Variants in SUGCT observed in about 807,000 individuals in gnomAD.
SUGCT encodes the protein succinyl-CoA:glutarate-CoA transferase.
SUGCT carries 41 observed loss-of-function variants against 55.0 expected under a neutral mutation model. That is an observed-to-expected ratio of 0.74 (90% CI 0.58 to 0.97). SUGCT has a LOEUF of 0.97. SUGCT is among the 50% of genes least tolerant of loss of function. The pLI is 0.00. For synonymous variants in SUGCT, 187 were observed against 200.4 expected, an observed-to-expected ratio of 0.93 and a Z score of 0.56; for missense variants, 568 against 547.8, an observed-to-expected ratio of 1.04 and a Z score of -0.37.
intron 12 of SUGCT, among the ~76,000 whole-genome samples, chr7:40,609,563 A>G (rs1025514010): frequency 2.4e-4 from 36 of 151,972 alleles, no homozygotes; most frequent in African/African-American, 8.7e-4. Context: ...AAAAAAAAAA[A>G]AAAGAAAAAG....
chr7:40,900,092 C>A, the SUGCT span, among the ~76,000 whole-genome samples: 6 of 152,172 alleles, frequency 3.9e-5, no homozygotes, highest in African/African-American at 1.4e-4. Flanking sequence ...GAAGCATTGG[C>A]CAGGCTCTGG....
At chr7:40,197,104 G>A (rs542859468) in intron 6 of SUGCT, among the ~76,000 whole-genome samples, 1 of 152,194 alleles carries the variant, frequency 6.6e-6, no homozygotes, top group South Asian at 2.1e-4. Context: ...CAAAGTGTTG[G>A]GATTACACGT....
chr7:40,607,311 C>T (rs1798577210), intron 12 of SUGCT, among the ~76,000 whole-genome samples: 1 of 152,016 alleles, frequency 6.6e-6, no homozygotes, highest in South Asian at 2.1e-4. Flanking sequence ...ACTATATTGC[C>T]CAGGCTGGTC....
the SUGCT span, among the ~76,000 whole-genome samples, chr7:40,866,693 C>T: frequency 6.6e-6 from 1 of 151,826 alleles, no homozygotes; most frequent in East Asian, 1.9e-4. Flanking sequence ...CCACGTTTCC[C>T]ATATGCTGAG....
At chr7:40,819,678 A>G (rs1341194818) in intron 13 of SUGCT, among the ~76,000 whole-genome samples, 1 of 152,068 alleles carries the variant, frequency 6.6e-6, no homozygotes, top group African/African-American at 2.4e-5. Flanking sequence ...AGATGGGTAG[A>G]TTGTAAAAAT....
intron 12 of SUGCT, among the ~76,000 whole-genome samples, chr7:40,715,351 C>T (rs1467414896): frequency 6.6e-6 from 1 of 152,102 alleles, no homozygotes; most frequent in Admixed American, 6.5e-5. Flanking sequence ...CCTGCCTCCG[C>T]TGTCTTCTTA....
At chr7:40,185,485 T>C (rs1027051146) in intron 3 of SUGCT, among the ~76,000 whole-genome samples, 8 of 152,194 alleles carry the variant, frequency 5.3e-5, no homozygotes, top group Admixed American at 5.2e-4. Flanking sequence ...CTCATCGCCA[T>C]ACACTTGGTA....
chr7:40,238,506 TA>T (rs1174696899), intron 7 of SUGCT, among the ~76,000 whole-genome samples: 1 of 152,150 alleles, frequency 6.6e-6, no homozygotes, highest in East Asian at 1.9e-4. Flanking sequence ...TTGATGGCCT[TA>T]AAAAACTTGT....
At chr7:40,138,399 A>T (rs1479428172) in intron 1 of SUGCT, among the ~76,000 whole-genome samples, 2 of 152,196 alleles carry the variant, frequency 1.3e-5, no homozygotes, top group Non-Finnish European at 2.9e-5. Flanking sequence ...TGCTCCATTG[A>T]TGGGCACTTA....
At chr7:40,282,518 A>G (rs1793032193) in intron 8 of SUGCT, among the ~76,000 whole-genome samples, 1 of 151,296 alleles carries the variant, frequency 6.6e-6, no homozygotes. Flanking sequence ...CAAACAAACA[A>G]AAAAACCAAC....
At chr7:40,554,028 T>C (rs1268815353) in intron 12 of SUGCT, among the ~76,000 whole-genome samples, 1 of 152,264 alleles carries the variant, frequency 6.6e-6, no homozygotes, top group Non-Finnish European at 1.5e-5. Flanking sequence ...AGTTGCTTAG[T>C]GCATTGAACT....
intron 13 of SUGCT, among the ~76,000 whole-genome samples, chr7:40,784,269 C>T (rs1366477715): frequency 6.6e-6 from 1 of 152,170 alleles, no homozygotes; most frequent in South Asian, 2.1e-4. Context: ...TAGTTCTGCT[C>T]CACTCATCAG....
the SUGCT span, among the ~76,000 whole-genome samples, chr7:40,948,939 G>A: frequency 1.3e-5 from 2 of 152,146 alleles, no homozygotes; most frequent in African/African-American, 4.8e-5. Flanking sequence ...CTTTATAACA[G>A]CATGATTTAT....
intron 1 of SUGCT, among the ~76,000 whole-genome samples, chr7:40,170,876 G>C (rs1305203433): frequency 1.3e-5 from 2 of 152,038 alleles, no homozygotes; most frequent in Admixed American, 6.5e-5. Context: ...TGCCTCTCTT[G>C]ACCACAGAGA....
At chr7:40,213,634 AG>A (rs1267440176) in intron 6 of SUGCT, among the ~76,000 whole-genome samples, 1 of 152,138 alleles carries the variant, frequency 6.6e-6, no homozygotes, top group Non-Finnish European at 1.5e-5. Flanking sequence ...TCACCTCCTG[AG>A]GAGGTGTGGA....
intron 7 of SUGCT, among the ~76,000 whole-genome samples, chr7:40,251,752 T>A (rs1790422422): frequency 6.6e-6 from 1 of 152,128 alleles, no homozygotes. Context: ...TAGCATAATT[T>A]AGATTCAGTC....
chr7:40,973,506 G>A, the SUGCT span, among the ~76,000 whole-genome samples: 2 of 152,104 alleles, frequency 1.3e-5, no homozygotes, highest in African/African-American at 4.8e-5. Flanking sequence ...AAAATCTAGG[G>A]GAAGGGACCC....
chr7:40,674,912 A>G (rs755704951), intron 12 of SUGCT, among the ~76,000 whole-genome samples: 1 of 152,110 alleles, frequency 6.6e-6, no homozygotes, highest in Non-Finnish European at 1.5e-5. Flanking sequence ...AGTGCTGTAT[A>G]TTAGGAAAGT....
In SUGCT at chr7:40,408,615, CT is replaced by C. The variant is rs1227600791; in HGVS notation, c.817-40665del. On this transcript the variant is annotated intron_variant, in intron 9 of 13. Coordinates refer to ENST00000335693, the MANE Select transcript of SUGCT (RefSeq NM_001193313.2). ...CTCAGATTTATAGAATTTTTAAAAACTTTTTTTCTTTTCTAATTACAACTTC... is the reference window on the plus strand; with the variant it reads ...CTCAGATTTATAGAATTTTTAAAAACTTTTTTCTTTTCTAATTACAACTTC... Among the ~76,000 whole-genome samples the C allele has an allele frequency of 3.9e-5, 6 of 152,190 alleles. No homozygotes were observed. The East Asian group carries it at 1.2e-3, about 29-fold the overall frequency.
Sources: gnomAD v4.1 joint callset for allele counts (sites outside exome capture counted in the v4.1 genomes callset) on GRCh38, gnomAD v4.1.1 for gene constraint, MANE v1.5 for transcripts, NCBI Gene and HGNC (gene_info 2026-07-23, HGNC 2026-07-21) for gene names.